KIF1B: variants seen among roughly 807,000 people sequenced by gnomAD.
KIF1B encodes kinesin-like protein KIF1B.
Under a neutral mutation model 241.9 loss-of-function variants are expected in KIF1B, and 76 were observed. The observed-to-expected ratio is 0.31, with a 90% CI of 0.26 to 0.38. KIF1B has a LOEUF of 0.38. Among genes scored for constraint, KIF1B ranks in the 10% least tolerant of loss-of-function variants. The pLI is 1.00. For missense variants in KIF1B, 1,622 were observed against 2,271.4 expected (o/e 0.71, Z 5.81); for synonymous variants, 750 against 796.7 (o/e 0.94, Z 0.99).
intron 17 of KIF1B, among the ~76,000 whole-genome samples, chr1:10,292,996 T>A (rs1397486685): frequency 6.6e-6 from 1 of 152,212 alleles, no homozygotes; most frequent in Non-Finnish European, 1.5e-5. Context: ...GGGTGGTGAG[T>A]TTTGAATTGG....
chr1:10,255,421 C>T (rs1196907185), intron 2 of KIF1B, among the ~76,000 whole-genome samples: 2 of 151,972 alleles, frequency 1.3e-5, no homozygotes, highest in Non-Finnish European at 2.9e-5. Context: ...GAAACCCTGT[C>T]TCTACTAAAA....
chr1:10,227,240 G>A (rs1484721955), intron 1 of KIF1B, among the ~76,000 whole-genome samples: 1 of 151,818 alleles, frequency 6.6e-6, no homozygotes, highest in African/African-American at 2.4e-5. Flanking sequence ...TCACCATGTT[G>A]ACCAGGATGG....
intron 5 of KIF1B, 103 bp downstream of exon 5, chr1:10,262,073 A>T: frequency 1.2e-6 from 1 of 811,072 alleles, no homozygotes; most frequent in Middle Eastern, 2.2e-4. Context: ...TCACTTCACC[A>T]TTCCTTCATT....
At chr1:10,311,139 C>T (rs1021869079) in intron 22 of KIF1B, among the ~76,000 whole-genome samples, 9 of 151,302 alleles carry the variant, frequency 5.9e-5, no homozygotes, top group South Asian at 2.1e-4. Flanking sequence ...CTGGATTATT[C>T]CTGCCAGCAT....
At chr1:10,291,605 G>A (rs758868166) in intron 16 of KIF1B, among the ~76,000 whole-genome samples, 7 of 151,824 alleles carry the variant, frequency 4.6e-5, no homozygotes, top group Admixed American at 2.0e-4. Context: ...CCAGCTACTC[G>A]GGAGGCTGAG....
At chr1:10,257,474 CAA>C (rs781756435) in intron 3 of KIF1B, among the ~76,000 whole-genome samples, 11 of 109,086 alleles carry the variant, frequency 1.0e-4, no homozygotes, top group South Asian at 3.0e-4. Context: ...GACTGTGTCT[CAA>C]AAAAAAAAAA....
intron 32 of KIF1B, among the ~76,000 whole-genome samples, chr1:10,341,797 T>C (rs969211872): frequency 6.6e-6 from 1 of 152,004 alleles, no homozygotes; most frequent in Non-Finnish European, 1.5e-5. Context: ...AGTGAGATAC[T>C]GTCTCTACAA....
chr1:10,267,173 C>T (rs1648512176), intron 5 of KIF1B, among the ~76,000 whole-genome samples: 1 of 152,074 alleles, frequency 6.6e-6, no homozygotes, highest in African/African-American at 2.4e-5. Context: ...CATGTGCCAC[C>T]ACGCCTGGCT....
chr1:10,304,571 A>G, intron 22 of KIF1B: 1 of 1,614,144 alleles, frequency 6.2e-7, no homozygotes, highest in Non-Finnish European at 8.5e-7. Flanking sequence ...CACTGTAGCC[A>G]GTTTGTGACA....
intron 45 of KIF1B, among the ~76,000 whole-genome samples, chr1:10,371,933 C>A (rs112236566): frequency 0.012 from 1,798 of 151,976 alleles, 37 homozygotes; most frequent in African/African-American, 0.04. Flanking sequence ...AAGACCCTGT[C>A]CCTAAAAAAA....
intron 5 of KIF1B, among the ~76,000 whole-genome samples, chr1:10,265,200 TTTTATTTATTTATTTATTTA>T (rs148747154): frequency 1.0e-3 from 145 of 138,504 alleles, no homozygotes; most frequent in African/African-American, 3.3e-3. Context: ...TTAAAATGGA[TTTTATTTATTTATTTATTTA>T]TTTATTTATT....
intron 2 of KIF1B, among the ~76,000 whole-genome samples, chr1:10,240,244 T>C (rs192294758): frequency 4.0e-4 from 60 of 151,810 alleles, no homozygotes; most frequent in Non-Finnish European, 8.1e-4. Context: ...AGTCTCACTT[T>C]GTTGCCCAGG....
At chr1:10,354,293 T>C (rs1652900514) in intron 38 of KIF1B, among the ~76,000 whole-genome samples, 1 of 152,232 alleles carries the variant, frequency 6.6e-6, no homozygotes, top group Non-Finnish European at 1.5e-5. Flanking sequence ...TGGAAAGCCA[T>C]GGCCTTTTCT....
At chr1:10,221,005 T>G (rs1646837969) in intron 1 of KIF1B, among the ~76,000 whole-genome samples, 1 of 151,868 alleles carries the variant, frequency 6.6e-6, no homozygotes, top group African/African-American at 2.4e-5. Context: ...TGAGCCTGTT[T>G]AGCCATATTG....
At chr1:10,340,644 G>A (rs1303023511) in intron 32 of KIF1B, among the ~76,000 whole-genome samples, 1 of 152,164 alleles carries the variant, frequency 6.6e-6, no homozygotes, top group Non-Finnish European at 1.5e-5. Context: ...AGGAGTTTGT[G>A]ACCAGCCTGG....
chr1:10,316,690 TG>T (rs1270652973), intron 22 of KIF1B, among the ~76,000 whole-genome samples: 18 of 151,460 alleles, frequency 1.2e-4, no homozygotes, highest in Admixed American at 1.1e-3. Flanking sequence ...TTTGTAGACA[TG>T]GGGTTTGGCC....
intron 44 of KIF1B, among the ~76,000 whole-genome samples, chr1:10,370,043 T>A (rs1478310208): frequency 1.3e-5 from 2 of 150,666 alleles, no homozygotes; most frequent in Non-Finnish European, 3.0e-5. Context: ...CACCTGAGGT[T>A]GGGAGTTTGA....
chr1:10,318,471 C>T lies in KIF1B; in HGVS notation c.2116-1572C>T, dbSNP rs1258624978. The stretch of plus-strand genomic sequence containing the variant: ...GTGCGGTGGCTCACGCCTGTAATCC[C>T]AGCACTTTGGGAGGCCAAGGTGGGC... On this transcript the variant is annotated intron_variant, in intron 22 of 48. Transcript: ENST00000676179. Among the ~76,000 whole-genome samples, 12 of 151,638 alleles carry T rather than the reference C, an allele frequency of 7.9e-5. No homozygotes were observed. In the East Asian group the frequency reaches 2.3e-3, roughly 29 times the overall value.
chr1:10,276,857 G>T (rs1649138723), intron 12 of KIF1B, among the ~76,000 whole-genome samples: 1 of 152,196 alleles, frequency 6.6e-6, no homozygotes, highest in African/African-American at 2.4e-5. Context: ...GAGGTGGGCG[G>T]ATCACTTGAG....
Sources: gnomAD v4.1 joint callset for allele counts (sites outside exome capture counted in the v4.1 genomes callset) on GRCh38, gnomAD v4.1.1 for gene constraint, MANE v1.5 for transcripts, NCBI Gene and HGNC (gene_info 2026-07-23, HGNC 2026-07-21) for gene names.